Variants in IL10RB observed in about 807,000 individuals in gnomAD.
The protein encoded by IL10RB is interleukin 10 receptor subunit beta, also known as interleukin-10 receptor subunit beta.
In IL10RB, 30 loss-of-function variants were observed where a neutral mutation model predicts 38.7. The observed-to-expected ratio is 0.78, with a 90% CI of 0.58 to 1.05. The LOEUF (loss-of-function observed/expected upper bound fraction) is 1.05. Among genes scored for constraint, IL10RB ranks in the 50% least tolerant of loss-of-function variants. The probability of loss-of-function intolerance (pLI) is 0.00; values close to 1 mark genes in which losing one functional copy is unlikely to be tolerated. For synonymous variants in IL10RB, 142 were observed against 145.9 expected (o/e 0.97, Z 0.19); for missense variants, 328 against 397.1 (o/e 0.83, Z 1.48).
At position 33,279,881 on chromosome 21, in the gene IL10RB, A is replaced by T; in HGVS notation, c.461A>T (p.Tyr154Phe). 1 of 1,614,020 alleles carries T rather than the reference A, an allele frequency of 6.2e-7. No homozygotes were observed. Among genetic ancestry groups the T allele is most frequent in the South Asian group, 1.1e-5 (1 of 91,080 alleles). Residue 154 changes from tyrosine to phenylalanine, a missense_variant, in exon 4 of 7, where the codon TAT becomes TTT. Coordinates refer to ENST00000290200, the MANE Select transcript of IL10RB (RefSeq NM_000628.5). ...AAGAATGTGTATAACTCATGGACTTATAATGTGCAATACTGGAAAAACGGT... is the reference window on the plus strand; with the variant it reads ...AAGAATGTGTATAACTCATGGACTTTTAATGTGCAATACTGGAAAAACGGT... ...TMKNVYNSWT[Y>F]NVQYWKNGTD...
chr21:33,275,673 A>G (rs1287698940), intron 2 of IL10RB, among the ~76,000 whole-genome samples: 1 of 152,140 alleles, frequency 6.6e-6, no homozygotes, highest in African/African-American at 2.4e-5. Flanking sequence ...TCCTTCAACA[A>G]CTTTTCCTTT....
At position 33,268,403 on chromosome 21, in the gene IL10RB, T is replaced by C; in HGVS notation, c.59T>C (p.Met20Thr). The change falls in exon 2 of 7, where the codon ATG becomes ACG. Residue 20 changes from methionine to threonine, a missense_variant. By Grantham distance (81) the Met-to-Thr change is moderately conservative. Transcript: ENST00000290200. ...GGCLLVSALG[M>T]VPPPENVRMN... ...TGTCTTATTTTCATAGCATTGGGAATGGTACCACCTCCCGAAAATGTCAGA... is the reference window on the plus strand; with the variant it reads ...TGTCTTATTTTCATAGCATTGGGAACGGTACCACCTCCCGAAAATGTCAGA... 1 of 1,613,770 alleles carries C rather than the reference T, an allele frequency of 6.2e-7. No individual in the cohort carries two copies.
chr21:33,269,663 T>A (rs1371751638), intron 2 of IL10RB, among the ~76,000 whole-genome samples: 1 of 151,304 alleles, frequency 6.6e-6, no homozygotes, highest in Non-Finnish European at 1.5e-5. Flanking sequence ...TTTTTTTTTT[T>A]TTTTTTTTTT....
At chr21:33,268,356 G>A in intron 1 of IL10RB, 38 bp from the exon 2 acceptor site, 1 of 1,613,826 alleles carries the variant, frequency 6.2e-7, no homozygotes, top group Non-Finnish European at 8.5e-7. Flanking sequence ...TCTGTTTTGA[G>A]GAGAAAAGTT....
At chr21:33,298,030 G>A (rs8178569), downstream of IL10RB, among the ~76,000 whole-genome samples, 2,315 of 152,218 alleles carry the variant, frequency 0.015, 48 homozygotes, top group African/African-American at 0.051. Flanking sequence ...AAGCAGTCTG[G>A]AGGCAGAATT....
intron 1 of IL10RB, 64 bp downstream of exon 1, chr21:33,266,578 G>GGGATCAGGGGCGGC: frequency 6.7e-7 from 1 of 1,493,708 alleles, no homozygotes; most frequent in Non-Finnish European, 9.0e-7. Flanking sequence ...TGCCGCCCCT[G>GGGATCAGGGGCGGC]ATCCCATCCC....
intron 4 of IL10RB, among the ~76,000 whole-genome samples, chr21:33,280,710 A>G (rs1018734879): frequency 6.6e-6 from 1 of 152,210 alleles, no homozygotes; most frequent in African/African-American, 2.4e-5. Flanking sequence ...TATATATGTT[A>G]TGTATGTCAT....
intron 3 of IL10RB, among the ~76,000 whole-genome samples, chr21:33,277,890 C>G (rs1159910381): frequency 6.6e-6 from 1 of 150,408 alleles, no homozygotes. Flanking sequence ...CCAGGCTGGT[C>G]TTGAACTCCT....
chr21:33,301,858 C>A (rs2082986750), downstream of IL10RB, among the ~76,000 whole-genome samples: 1 of 152,140 alleles, frequency 6.6e-6, no homozygotes, highest in African/African-American at 2.4e-5. Flanking sequence ...GGACTTGAAC[C>A]CAAGTGGTCT....
chr21:33,270,490 C>A (rs961589206), intron 2 of IL10RB, among the ~76,000 whole-genome samples: 2 of 151,790 alleles, frequency 1.3e-5, no homozygotes, highest in African/African-American at 4.8e-5. Context: ...ACGCCATTCT[C>A]CTGCCTCAGC....
At position 33,296,864 on chromosome 21, in the gene IL10RB, C is replaced by T. The variant is rs2082969393; in HGVS notation, c.*507C>T. The stretch of plus-strand genomic sequence containing the variant: ...TCGAGTGCCTGAGGCAGGAGAATTG[C>T]ATGAACCCGGGAGGAGGAGGAGGAG... On this transcript the variant is annotated 3_prime_UTR_variant, in exon 7 of 7. Coordinates refer to ENST00000290200, the MANE Select transcript of IL10RB (RefSeq NM_000628.5). 1 of 268,540 alleles carries T rather than the reference C, an allele frequency of 3.7e-6. No homozygotes were observed. Among genetic ancestry groups the T allele is most frequent in the Admixed American group, 5.0e-5 (1 of 20,020 alleles). The allele number at this position is 268,540 out of a possible 1,614,324, so 16.6% of individuals were successfully genotyped here.
At chr21:33,289,625 A>G (rs2855252) in intron 6 of IL10RB, among the ~76,000 whole-genome samples, 61,192 of 151,956 alleles carry the variant, frequency 0.4, 12,696 homozygotes, top group Non-Finnish European at 0.45. Flanking sequence ...GAGTCCCAGG[A>G]GGTGCCCAGT....
At chr21:33,278,285 A>AC (rs746194006) in intron 3 of IL10RB, among the ~76,000 whole-genome samples, 3 of 151,934 alleles carry the variant, frequency 2.0e-5, no homozygotes, top group Non-Finnish European at 4.4e-5. Flanking sequence ...GACCCCCATG[A>AC]CCCCTACAGT....
chr21:33,295,092 G>A (rs2082958369), intron 6 of IL10RB, among the ~76,000 whole-genome samples: 4 of 152,144 alleles, frequency 2.6e-5, no homozygotes, highest in Admixed American at 2.6e-4. Flanking sequence ...TGGGCCGGGT[G>A]CGGTGGCTCA....
At chr21:33,279,988 A>C (rs1350331361) in intron 4 of IL10RB, 70 bp downstream of exon 4, 3 of 1,371,458 alleles carry the variant, frequency 2.2e-6, no homozygotes, top group Middle Eastern at 1.8e-4. Flanking sequence ...GCAAGGTGGC[A>C]GCACCTTATG....
At chr21:33,277,668 CTTTTTTT>C (rs1216043179) in intron 3 of IL10RB, among the ~76,000 whole-genome samples, 3 of 92,980 alleles carry the variant, frequency 3.2e-5, no homozygotes, top group Admixed American at 2.5e-4. Flanking sequence ...TTCTTTCTTT[CTTTTTTT>C]TTTTTTTTTT....
chr21:33,307,350 T>G lies in IL10RB; in HGVS notation c.130-1626T>G, dbSNP rs1258820753. ...CAGGCTATGACGCACATAGCAGTCT[T>G]GCCTGTTCTGGACAGTGGTCTTTCA... On this transcript the variant is annotated intron_variant, in intron 1 of 1. Coordinates refer to the IL10RB transcript ENST00000609556. Among the ~76,000 whole-genome samples the G allele has an allele frequency of 2.0e-5, 3 of 152,210 alleles. No individual in the cohort carries two copies. The East Asian group carries it at 5.8e-4, about 29-fold the overall frequency.
At position 33,296,643 on chromosome 21, in the gene IL10RB, T is replaced by A. The variant is rs2082968564; in HGVS notation, c.*286T>A. On this transcript the variant is annotated 3_prime_UTR_variant, in exon 7 of 7. Transcript: ENST00000290200. ...AGCCTTTTATATCACTAAAATAAGA[T>A]CATGTTTTAATTGTGAGAAACAGGG... 1 of 544,000 alleles carries A rather than the reference T, an allele frequency of 1.8e-6. No individual in the cohort carries two copies. The highest frequency in any genetic ancestry group is 3.5e-6 in the Non-Finnish European group (1 of 286,408). 33.7% of individuals were successfully genotyped at this position (544,000 alleles called of 1,614,324 possible).
intron 4 of IL10RB, among the ~76,000 whole-genome samples, chr21:33,281,924 A>G (rs1312494454): frequency 6.6e-6 from 1 of 152,116 alleles, no homozygotes; most frequent in Non-Finnish European, 1.5e-5. Flanking sequence ...AAGGGCAGAA[A>G]AAGCCCCAGC....
Sources: gnomAD v4.1 joint callset for allele counts (sites outside exome capture counted in the v4.1 genomes callset) on GRCh38, gnomAD v4.1.1 for gene constraint, MANE v1.5 for transcripts, NCBI Gene and HGNC (gene_info 2026-07-23, HGNC 2026-07-21) for gene names.